ST6GALNAC5: variants seen among roughly 807,000 people sequenced by gnomAD.
ST6GALNAC5 encodes ST6 N-acetylgalactosaminide alpha-2,6-sialyltransferase 5, also known as alpha-N-acetylgalactosaminide alpha-2,6-sialyltransferase 5.
In ST6GALNAC5, 27 loss-of-function variants were observed where a neutral mutation model predicts 33.6. The ratio of observed to expected loss-of-function variants is 0.80; its 90% CI spans 0.59 to 1.11. The LOEUF (loss-of-function observed/expected upper bound fraction) is 1.11. Ranked by LOEUF, ST6GALNAC5 falls within the 50% of genes least tolerant of loss-of-function variation. The pLI, the probability that ST6GALNAC5 is intolerant of heterozygous loss-of-function variation, is 0.00. For missense variants in ST6GALNAC5, 428 were observed against 454.0 expected, an observed-to-expected ratio of 0.94 and a Z score of 0.52; for synonymous variants, 194 against 171.2, an observed-to-expected ratio of 1.13 and a Z score of -1.04.
chr1:76,984,980 A>G (rs1444449681), intron 2 of ST6GALNAC5, among the ~76,000 whole-genome samples: 1 of 152,204 alleles, frequency 6.6e-6, no homozygotes, highest in Non-Finnish European at 1.5e-5. Context: ...CTTGCTAAAA[A>G]CACGCAATAA....
chr1:76,869,457 G>A (rs1653446479), intron 2 of ST6GALNAC5, among the ~76,000 whole-genome samples: 1 of 152,114 alleles, frequency 6.6e-6, no homozygotes, highest in Non-Finnish European at 1.5e-5. Flanking sequence ...GCCTCTGGGA[G>A]AATCCTAATC....
chr1:76,947,564 C>G (rs2100332975), intron 2 of ST6GALNAC5, among the ~76,000 whole-genome samples: 1 of 152,002 alleles, frequency 6.6e-6, no homozygotes, highest in Middle Eastern at 3.4e-3. Context: ...TAGAGAGACC[C>G]CATCTCTAAT....
intron 2 of ST6GALNAC5, among the ~76,000 whole-genome samples, chr1:77,015,050 A>AAC (rs5775372): frequency 0.12 from 14,249 of 122,444 alleles, 745 homozygotes; most frequent in Admixed American, 0.14. Context: ...CTCGCACACA[A>AAC]ACACACACAC....
intron 2 of ST6GALNAC5, among the ~76,000 whole-genome samples, chr1:76,872,187 G>C (rs1318676670): frequency 6.6e-6 from 1 of 151,406 alleles, no homozygotes; most frequent in African/African-American, 2.4e-5. Context: ...AAGGGAACAT[G>C]GAACACAGTT....
At chr1:77,044,645 A>G in intron 3 of ST6GALNAC5, 32 bp downstream of exon 3, 1 of 1,518,684 alleles carries the variant, frequency 6.6e-7, no homozygotes, top group Non-Finnish European at 8.8e-7. Context: ...GATGCAGGGG[A>G]GGGTGAGGAT....
Position 76,868,664 on chromosome 1 carries a change from G to C in ST6GALNAC5, c.183G>C (p.Glu61Asp). ...SATGSSQPAAESSTQQRPGVP... is the reference protein window; with the variant it reads ...SATGSSQPAADSSTQQRPGVP... ...CCGGCAGCTCGCAGCCGGCGGCGGAGAGCAGCACCCAGCAGCGCCCCGGGG... is the reference window on the plus strand; with the variant it reads ...CCGGCAGCTCGCAGCCGGCGGCGGACAGCAGCACCCAGCAGCGCCCCGGGG... Residue 61 changes from glutamate to aspartate, a missense_variant, in exon 2 of 5, where the codon GAG becomes GAC. Transcript: ENST00000477717. This position sits in a 1 kb window ranked among gnomAD's most constrained non-coding sequence, Gnocchi z 4.3. 1 of 1,586,946 alleles carries C rather than the reference G, an allele frequency of 6.3e-7. No homozygotes were observed. Among genetic ancestry groups the C allele is most frequent in the Non-Finnish European group, 8.6e-7 (1 of 1,165,432 alleles).
intron 2 of ST6GALNAC5, among the ~76,000 whole-genome samples, chr1:76,928,269 C>T (rs898655153): frequency 2.6e-5 from 4 of 152,128 alleles, no homozygotes; most frequent in African/African-American, 9.7e-5. Flanking sequence ...GTTTTGAATA[C>T]TGCACTTGTA....
chr1:76,890,460 A>G (rs1457292658), intron 2 of ST6GALNAC5, among the ~76,000 whole-genome samples: 3 of 151,942 alleles, frequency 2.0e-5, no homozygotes, highest in Non-Finnish European at 2.9e-5. Flanking sequence ...GTTGAAATGC[A>G]AAGCTTTAGG....
At chr1:76,964,492 T>C (rs1435003189) in intron 2 of ST6GALNAC5, among the ~76,000 whole-genome samples, 1 of 152,174 alleles carries the variant, frequency 6.6e-6, no homozygotes, top group Non-Finnish European at 1.5e-5. Flanking sequence ...CCCTCAGAGA[T>C]AAAGTTTCTG....
At chr1:76,981,450 T>C (rs1171853911) in intron 2 of ST6GALNAC5, among the ~76,000 whole-genome samples, 2 of 152,162 alleles carry the variant, frequency 1.3e-5, no homozygotes, top group African/African-American at 4.8e-5. Flanking sequence ...GCATCCAACA[T>C]TGCTGAGGCT....
At position 76,930,395 on chromosome 1, in the gene ST6GALNAC5, G is replaced by C. The variant is rs139729860; in HGVS notation, c.261+61653G>C. The stretch of plus-strand genomic sequence containing the variant: ...GTAGAATTATCAAAGAAGTAATGCA[G>C]TTTTTAAGTAGCAGTTTCGTGAATA... On this transcript the variant is annotated intron_variant, in intron 2 of 4. Transcript: ENST00000477717. 1.9e-3 allele frequency among the ~76,000 whole-genome samples: 293 copies of C among 152,226 alleles called. 1 individual carries two copies. The highest frequency in any genetic ancestry group is 2.7e-3 in the Non-Finnish European group (187 of 68,000).
chr1:76,938,545 T>C (rs979678401), intron 2 of ST6GALNAC5, among the ~76,000 whole-genome samples: 7 of 152,102 alleles, frequency 4.6e-5, no homozygotes. Flanking sequence ...TGGGCTCATC[T>C]TTGTTGCATT....
At chr1:76,976,526 T>TC (rs1649019830) in intron 2 of ST6GALNAC5, among the ~76,000 whole-genome samples, 1 of 152,148 alleles carries the variant, frequency 6.6e-6, no homozygotes, top group African/African-American at 2.4e-5. Flanking sequence ...TAATAAAAGT[T>TC]CCCTGTGCCT....
chr1:77,003,234 ACCAT>A (rs1369362694), intron 2 of ST6GALNAC5, among the ~76,000 whole-genome samples: 2 of 62,188 alleles, frequency 3.2e-5, no homozygotes, highest in African/African-American at 8.0e-5. Context: ...TGATCCCTTT[ACCAT>A]TATGTAATGG....
chr1:77,027,461 C>T (rs974646418), intron 2 of ST6GALNAC5, among the ~76,000 whole-genome samples: 40 of 152,188 alleles, frequency 2.6e-4, no homozygotes, highest in African/African-American at 9.6e-4. Flanking sequence ...AAGGCGACTG[C>T]AATCTCCTGA....
At chr1:76,913,561 A>T (rs146659600) in intron 2 of ST6GALNAC5, among the ~76,000 whole-genome samples, 5,537 of 152,228 alleles carry the variant, frequency 0.036, 348 homozygotes, top group African/African-American at 0.13. Flanking sequence ...TAAACCAATC[A>T]GATGCAGATT....
At chr1:76,948,782 C>A (rs1647629453) in intron 2 of ST6GALNAC5, among the ~76,000 whole-genome samples, 1 of 152,086 alleles carries the variant, frequency 6.6e-6, no homozygotes, top group Non-Finnish European at 1.5e-5. Context: ...AAAAAGATAT[C>A]AAGAACCTTA....
intron 2 of ST6GALNAC5, among the ~76,000 whole-genome samples, chr1:76,932,430 C>T (rs2100311782): frequency 6.6e-6 from 1 of 152,150 alleles, no homozygotes; most frequent in Non-Finnish European, 1.5e-5. Context: ...CTTCAATTTT[C>T]CCATTTGCTG....
chr1:77,024,466 G>A lies in ST6GALNAC5; in HGVS notation c.262-19738G>A, dbSNP rs370617505. 5.3e-5 allele frequency among the ~76,000 whole-genome samples: 8 copies of A among 152,260 alleles called. No individual in the cohort carries two copies. In the East Asian group the frequency reaches 9.7e-4, roughly 18 times the overall value. ...ACTGGTACAGGAACTTATAAGATGC[G>A]TGGAAGGCCAAGGACAGGAGACAGC... On this transcript the variant is annotated intron_variant, in intron 2 of 4. Coordinates refer to ENST00000477717, the MANE Select transcript of ST6GALNAC5 (RefSeq NM_030965.3).
Sources: allele counts gnomAD v4.1 joint callset (sites outside exome capture counted in the v4.1 genomes callset), GRCh38; gene constraint gnomAD v4.1.1; non-coding constraint Gnocchi (gnomAD v3.1); transcripts MANE v1.5; gene names NCBI Gene and HGNC (gene_info 2026-07-23, HGNC 2026-07-21).